The following PCDHGA8 variants were observed in gnomAD, a reference collection of about 807,000 sequenced individuals.
PCDHGA8 encodes the protein protocadherin gamma subfamily A, 8.
Under a neutral mutation model 59.2 loss-of-function variants are expected in PCDHGA8, and 45 were observed. The ratio of observed to expected loss-of-function variants is 0.76; its 90% confidence interval spans 0.60 to 0.98. The LOEUF is 0.98. Ranked by LOEUF, PCDHGA8 falls within the 50% of genes least tolerant of loss-of-function variation. The pLI is 0.00. For missense variants in PCDHGA8, 1,257 were observed against 1,196.2 expected (o/e 1.05, Z -0.75); for synonymous variants, 531 against 519.0 (o/e 1.02, Z -0.32).
chr5:141,418,477 C>G (rs2154547707), intron 1 of PCDHGA8: 1 of 1,614,016 alleles, frequency 6.2e-7, no homozygotes, highest in Non-Finnish European at 8.5e-7. Context: ...AAACGCAGAG[C>G]GCTCACCACT....
At chr5:141,422,729 C>G (rs1352451042) in intron 1 of PCDHGA8, 1 of 1,606,960 alleles carries the variant, frequency 6.2e-7, no homozygotes, top group South Asian at 1.1e-5. Flanking sequence ...CAGGGGGTGC[C>G]TCTGTCCTCC....
At chr5:141,412,084 G>C (rs1199665555) in intron 1 of PCDHGA8, 1 of 152,170 alleles carries the variant, frequency 6.6e-6, no homozygotes, top group East Asian at 1.9e-4. Flanking sequence ...ATTGCTACTG[G>C]GTTGATGGGC....
In PCDHGA8 at chr5:141,477,005, T is replaced by C; in HGVS notation, c.2425-17802T>C. The C allele has an allele frequency of 1.2e-6, 2 of 1,614,240 alleles. No individual in the cohort carries two copies. Among genetic ancestry groups the C allele is most frequent in the Non-Finnish European group, 1.7e-6 (2 of 1,180,040 alleles). Reference sequence around the variant, plus strand: ...CGCCGGCGTGCGGCAACTATTCGCCTTAGACCTTGTAACCGGGATGCTGAC... The same window carrying C: ...CGCCGGCGTGCGGCAACTATTCGCCCTAGACCTTGTAACCGGGATGCTGAC... On this transcript the variant is annotated intron_variant, in intron 1 of 3. Transcript: ENST00000398604. The surrounding 1 kb of genome is among the most constrained non-coding windows in gnomAD (Gnocchi z 4.9).
At chr5:141,442,629 A>G (rs959326665) in intron 1 of PCDHGA8, among the ~76,000 whole-genome samples, 2 of 152,248 alleles carry the variant, frequency 1.3e-5, no homozygotes, top group African/African-American at 4.8e-5. Context: ...TTCTAGCAGC[A>G]AGACCAAAGG....
chr5:141,438,627 TATATATATACACACAC>T (rs1396288881), intron 1 of PCDHGA8, among the ~76,000 whole-genome samples: 69 of 48,002 alleles, frequency 1.4e-3, no homozygotes, highest in Admixed American at 2.8e-3. Flanking sequence ...TATATATATA[TATATATATACACACAC>T]ACACACACAT....
Position 141,485,486 on chromosome 5 carries a change from C to T in PCDHGA8, c.2425-9321C>T, listed in dbSNP as rs2099614522. 6 of 1,614,102 alleles carry T rather than the reference C, an allele frequency of 3.7e-6. No individual in the cohort carries two copies. The highest frequency in any genetic ancestry group is 2.2e-5 in the East Asian group (1 of 44,866). The stretch of plus-strand genomic sequence containing the variant: ...TGGGCTCAGTGCCAGCTGCATCGTG[C>T]CCCTGGAGTTTGTCACCGAAGGTCC... On this transcript the variant is annotated intron_variant, in intron 1 of 3. Coordinates refer to ENST00000398604, the MANE Select transcript of PCDHGA8 (RefSeq NM_032088.2). This position sits in a 1 kb window ranked among gnomAD's most constrained non-coding sequence, Gnocchi z 5.7.
In PCDHGA8 at chr5:141,394,748, C is replaced by A; in HGVS notation, c.1935C>A (p.Ala645=). The change falls in exon 1 of 4, where the codon GCC becomes GCA. Residue 645 remains alanine, a synonymous_variant. Transcript: ENST00000398604. ...RDALKQSLVV[A]VQDHGQPPLS... ...CGCTCAAGCAGAGCCTCGTGGTGGC[C>A]GTCCAGGACCATGGCCAGCCCCCTC... is the stretch of plus-strand genomic sequence containing the variant. The A allele has an allele frequency of 6.2e-7, 1 of 1,613,414 alleles. No individual in the cohort carries two copies.
At chr5:141,403,748 G>A in intron 1 of PCDHGA8, 1 of 1,613,956 alleles carries the variant, frequency 6.2e-7, no homozygotes, top group East Asian at 2.2e-5. Context: ...TACTGCAACA[G>A]CCAGCGACCT....
chr5:141,403,796 T>C (rs1028690414), intron 1 of PCDHGA8: 3 of 1,613,866 alleles, frequency 1.9e-6, no homozygotes, highest in Non-Finnish European at 1.7e-6. Flanking sequence ...ATACAAATTC[T>C]GGAAAATTAA....
intron 1 of PCDHGA8, chr5:141,407,920 C>T: frequency 2.1e-6 from 1 of 475,788 alleles, no homozygotes; most frequent in Non-Finnish European, 3.6e-6. Context: ...GCTGCTGTCC[C>T]GCACGGAGCC....
Position 141,490,400 on chromosome 5 carries a change from T to A in PCDHGA8, c.2425-4407T>A. On this transcript the variant is annotated intron_variant, in intron 1 of 3. Coordinates refer to ENST00000398604, the MANE Select transcript of PCDHGA8 (RefSeq NM_032088.2). This position sits in a 1 kb window ranked among gnomAD's most constrained non-coding sequence, Gnocchi z 5.4. ...TCAGGTAGAAATGGTGAAGTGAGCC[T>A]TGATATCTCTCCGGACCTGCCATTT... The A allele has an allele frequency of 6.2e-7, 1 of 1,614,202 alleles. No homozygotes were observed. Among genetic ancestry groups the A allele is most frequent in the Non-Finnish European group, 8.5e-7 (1 of 1,180,032 alleles).
At chr5:141,433,395 C>CTATA (rs1426636882) in intron 1 of PCDHGA8, among the ~76,000 whole-genome samples, 2 of 150,654 alleles carry the variant, frequency 1.3e-5, no homozygotes, top group African/African-American at 4.9e-5. Context: ...ATCTATCTAT[C>CTATA]TATCTATCTA....
At chr5:141,410,619 C>T (rs757187051) in intron 1 of PCDHGA8, 8 of 1,603,614 alleles carry the variant, frequency 5.0e-6, no homozygotes, top group Admixed American at 3.3e-5. Flanking sequence ...ACTCTGACTT[C>T]GGTGAGTTTC....
chr5:141,471,790 C>T (rs1465283136), intron 1 of PCDHGA8, among the ~76,000 whole-genome samples: 1 of 152,068 alleles, frequency 6.6e-6, no homozygotes, highest in Non-Finnish European at 1.5e-5. Context: ...TATGCTATGT[C>T]ATATAAAAGA....
chr5:141,410,174 G>A (rs1369332920), intron 1 of PCDHGA8: 4 of 1,613,588 alleles, frequency 2.5e-6, no homozygotes, highest in East Asian at 2.2e-5. Flanking sequence ...CTCTGCCACC[G>A]CCACGCTTCA....
intron 1 of PCDHGA8, among the ~76,000 whole-genome samples, chr5:141,434,479 A>C (rs2097696849): frequency 6.6e-6 from 1 of 152,202 alleles, no homozygotes; most frequent in African/African-American, 2.4e-5. Flanking sequence ...AGGGCAAGGA[A>C]CACCTGGCCC....
Position 141,490,013 on chromosome 5 carries a change from G to A in PCDHGA8, c.2425-4794G>A. 6.2e-7 allele frequency: 1 copy of A among 1,614,206 alleles called. No individual in the cohort carries two copies. The highest frequency in any genetic ancestry group is 1.1e-5 in the South Asian group (1 of 91,088). Reference sequence around the variant, plus strand: ...GGAATCCCAGAGAATGCACCCATTGGTACTCTGCTGCTCCGCCTCAATGCC... The same window carrying A: ...GGAATCCCAGAGAATGCACCCATTGATACTCTGCTGCTCCGCCTCAATGCC... On this transcript the variant is annotated intron_variant, in intron 1 of 3. Transcript: ENST00000398604. This position sits in a 1 kb window ranked among gnomAD's most constrained non-coding sequence, Gnocchi z 5.4.
Position 141,432,465 on chromosome 5 carries a change from C to G in PCDHGA8, c.2424+37228C>G. ...GAGATCCTGTACCCCGCCCTCCCCACGGACGGTTCCACTGGCGTGGAGCTG... is the reference window on the plus strand; with the variant it reads ...GAGATCCTGTACCCCGCCCTCCCCAGGGACGGTTCCACTGGCGTGGAGCTG... On this transcript the variant is annotated intron_variant, in intron 1 of 3. Transcript: ENST00000398604. The surrounding 1 kb of genome is among the most constrained non-coding windows in gnomAD (Gnocchi z 6.0). The G allele has an allele frequency of 6.2e-7, 1 of 1,614,222 alleles. No individual in the cohort carries two copies. Among genetic ancestry groups the G allele is most frequent in the Non-Finnish European group, 8.5e-7 (1 of 1,180,050 alleles).
At chr5:141,403,591 G>C in intron 1 of PCDHGA8, 2 of 1,613,836 alleles carry the variant, frequency 1.2e-6, no homozygotes, top group South Asian at 1.1e-5. Flanking sequence ...TGGTCCTCAC[G>C]GCCTCGGATG....
Sources: gnomAD v4.1 joint callset for allele counts (sites outside exome capture counted in the v4.1 genomes callset) on GRCh38, gnomAD v4.1.1 for gene constraint, Gnocchi (gnomAD v3.1) non-coding constraint, MANE v1.5 for transcripts, NCBI Gene and HGNC (gene_info 2026-07-23, HGNC 2026-07-21) for gene names.